Variants in ZBTB49 observed in about 807,000 individuals in gnomAD.
ZBTB49 encodes the protein zinc finger and BTB domain containing 49, also known as zinc finger and BTB domain-containing protein 49.
In ZBTB49, 43 loss-of-function variants were observed where a neutral mutation model predicts 57.5. The ratio of observed to expected loss-of-function variants is 0.75; its 90% CI spans 0.59 to 0.97. ZBTB49 has a LOEUF of 0.97. Among genes scored for constraint, ZBTB49 ranks in the 50% least tolerant of loss-of-function variants. The pLI, the probability that ZBTB49 is intolerant of heterozygous loss-of-function variation, is 0.00. For synonymous variants in ZBTB49, 369 were observed against 362.1 expected, an observed-to-expected ratio of 1.02 and a Z score of -0.22; for missense variants, 938 against 947.7, an observed-to-expected ratio of 0.99 and a Z score of 0.13.
intron 5 of ZBTB49, among the ~76,000 whole-genome samples, chr4:4,313,931 A>G (rs1454943696): frequency 1.3e-5 from 2 of 152,232 alleles, no homozygotes; most frequent in Non-Finnish European, 2.9e-5. Context: ...GCCAAGTGCT[A>G]TATGGGTCCA....
chr4:4,304,949 A>G (rs1720674071), intron 3 of ZBTB49, among the ~76,000 whole-genome samples: 2 of 147,014 alleles, frequency 1.4e-5, no homozygotes, highest in Non-Finnish European at 3.0e-5. Context: ...TTTAAGGTGA[A>G]GGGGTCCTGA....
intron 7 of ZBTB49, among the ~76,000 whole-genome samples, chr4:4,316,939 G>T (rs1211310660): frequency 6.6e-6 from 1 of 152,222 alleles, no homozygotes; most frequent in Admixed American, 6.5e-5. Context: ...TTGGGAGGTT[G>T]AAGCTGGAGG....
At position 4,303,070 on chromosome 4, in the gene ZBTB49, CTTCACA is replaced by C; in HGVS notation, c.1235_1240del (p.Leu412_Lys414delinsGln). On this transcript the variant is annotated inframe_deletion, in exon 3 of 8. Transcript: ENST00000337872. ...TTTTAAACACCCAAGCAACTTGGAG[CTTCACA>C]AACGGTCTCATACAGGTAACTGATT... The C allele has an allele frequency of 1.2e-6, 2 of 1,609,124 alleles. No homozygotes were observed. The highest frequency in any genetic ancestry group is 1.7e-6 in the Non-Finnish European group (2 of 1,176,970).
At chr4:4,318,068 C>A (rs921487706) in intron 7 of ZBTB49, among the ~76,000 whole-genome samples, 1 of 152,070 alleles carries the variant, frequency 6.6e-6, no homozygotes, top group Admixed American at 6.5e-5. Context: ...GGCGCCCACC[C>A]GCCTGTCCCC....
Position 4,320,753 on chromosome 4 carries a change from C to T in ZBTB49, c.1735C>T (p.Arg579Trp), listed in dbSNP as rs188376735. ...GTGCTTTACCCGCTCTGCGGTGCTCCGGCGGCACAAGAAGATGCACTGCAA... is the reference window on the plus strand; with the variant it reads ...GTGCTTTACCCGCTCTGCGGTGCTCTGGCGGCACAAGAAGATGCACTGCAA... The part of the protein sequence containing the change: ...NKCFTRSAVL[R>W]RHKKMHCKAG... Residue 579 changes from arginine (R) to tryptophan (W), a missense_variant, in exon 8 of 8, where the codon CGG (arginine) becomes TGG (tryptophan). Arg to Trp is a moderately radical substitution (Grantham distance 101). Transcript: ENST00000337872. 6.8e-6 allele frequency: 11 copies of T among 1,614,200 alleles called. No individual in the cohort carries two copies. Among genetic ancestry groups the T allele is most frequent in the East Asian group, 2.2e-5 (1 of 44,890 alleles).
Position 4,313,760 on chromosome 4 carries a change from A to G in ZBTB49, c.1376+646A>G, listed in dbSNP as rs556317409. 1.3e-4 allele frequency among the ~76,000 whole-genome samples: 20 copies of G among 152,334 alleles called. No homozygotes were observed. The East Asian group carries it at 1.7e-3, about 13-fold the overall frequency. On this transcript the variant is annotated intron_variant, in intron 5 of 7. Coordinates refer to ENST00000337872, the MANE Select transcript of ZBTB49 (RefSeq NM_145291.4). The stretch of plus-strand genomic sequence containing the variant: ...CTTCCTGTCCTTGGGCTGTACGTCA[A>G]TCAGGCCACGTACTCCATCATCTGG...
At chr4:4,296,366 C>T (rs1720204798) in intron 1 of ZBTB49, among the ~76,000 whole-genome samples, 1 of 152,218 alleles carries the variant, frequency 6.6e-6, no homozygotes, top group African/African-American at 2.4e-5. Flanking sequence ...CCCTGCATGT[C>T]ATGGGAGGAA....
chr4:4,316,179 T>C (rs1721189392), intron 7 of ZBTB49, among the ~76,000 whole-genome samples: 1 of 152,132 alleles, frequency 6.6e-6, no homozygotes, highest in Non-Finnish European at 1.5e-5. Flanking sequence ...TCCTAAACGC[T>C]CCGAATACAA....
intron 1 of ZBTB49, among the ~76,000 whole-genome samples, chr4:4,299,725 A>G (rs1281741415): frequency 6.6e-6 from 1 of 151,922 alleles, no homozygotes; most frequent in Non-Finnish European, 1.5e-5. Flanking sequence ...CATTTCCATC[A>G]TGACAGGTAA....
chr4:4,300,189 C>A, intron 2 of ZBTB49, 92 bp downstream of exon 2: 1 of 1,392,886 alleles, frequency 7.2e-7, no homozygotes, highest in Non-Finnish European at 9.8e-7. Flanking sequence ...CCTTGGATTT[C>A]ACTATCTTTA....
intron 7 of ZBTB49, among the ~76,000 whole-genome samples, chr4:4,316,672 A>G (rs2093489298): frequency 1.3e-5 from 2 of 152,254 alleles, no homozygotes; most frequent in Non-Finnish European, 2.9e-5. Flanking sequence ...GTCCAGCTGT[A>G]GGGAGCCTGG....
chr4:4,307,286 T>C (rs1720779249), intron 4 of ZBTB49, among the ~76,000 whole-genome samples: 1 of 152,166 alleles, frequency 6.6e-6, no homozygotes, highest in Admixed American at 6.5e-5. Flanking sequence ...AGGAAGGATT[T>C]GATAAGCTGA....
At chr4:4,314,311 A>G (rs1721100186) in intron 5 of ZBTB49, among the ~76,000 whole-genome samples, 1 of 152,176 alleles carries the variant, frequency 6.6e-6, no homozygotes, top group African/African-American at 2.4e-5. Flanking sequence ...CTTGTTTTGC[A>G]TGGTGTTTGA....
chr4:4,319,034 C>A (rs889803899), intron 7 of ZBTB49, among the ~76,000 whole-genome samples: 15 of 151,752 alleles, frequency 9.9e-5, no homozygotes. Context: ...GGACCACAGG[C>A]ATGCACCACC....
chr4:4,296,850 A>G (rs535077908), intron 1 of ZBTB49, among the ~76,000 whole-genome samples: 2 of 152,276 alleles, frequency 1.3e-5, no homozygotes, highest in African/African-American at 4.8e-5. Flanking sequence ...ACCAAAGGAC[A>G]GGGTGAAGCA....
chr4:4,306,266 A>C, intron 4 of ZBTB49, 82 bp downstream of exon 4: 1 of 1,212,118 alleles, frequency 8.3e-7, no homozygotes, highest in South Asian at 1.3e-5. Flanking sequence ...ATACTTTTGT[A>C]CTTGTGAGAG....
At chr4:4,290,929 TAGTA>T (rs1439209754) in intron 1 of ZBTB49, among the ~76,000 whole-genome samples, 1 of 152,234 alleles carries the variant, frequency 6.6e-6, no homozygotes, top group African/African-American at 2.4e-5. Context: ...GGCTGCCACT[TAGTA>T]AGTACTCAAT....
Position 4,321,088 on chromosome 4 carries a change from T to C in ZBTB49, c.2070T>C (p.Tyr690=). 3 of 1,614,172 alleles carry C rather than the reference T, an allele frequency of 1.9e-6. No individual in the cohort carries two copies. In the South Asian group the frequency reaches 3.3e-5, roughly 18 times the overall value. The change falls in exon 8 of 8, where the codon TAT becomes TAC. Residue 690 remains tyrosine (Y), a synonymous_variant. Transcript: ENST00000337872. ...PQMQQTQPQA[Y]AYSDVDTPAG... ...TGCAGCAGACACAGCCTCAGGCCTA[T>C]GCTTACTCGGATGTGGACACCCCAG...
intron 1 of ZBTB49, among the ~76,000 whole-genome samples, chr4:4,298,317 A>G (rs1312585914): frequency 6.6e-6 from 1 of 152,176 alleles, no homozygotes; most frequent in Non-Finnish European, 1.5e-5. Flanking sequence ...GTGTGTTGAA[A>G]AGCTTAGATT....
Sources: allele counts gnomAD v4.1 joint callset (sites outside exome capture counted in the v4.1 genomes callset), GRCh38; gene constraint gnomAD v4.1.1; transcripts MANE v1.5; gene names NCBI Gene and HGNC (gene_info 2026-07-23, HGNC 2026-07-21).